FDFT1: variants seen among roughly 807,000 people sequenced by gnomAD.
FDFT1 encodes farnesyl-diphosphate farnesyltransferase 1.
Under a neutral mutation model 46.8 loss-of-function variants are expected in FDFT1, and 68 were observed. The ratio of observed to expected loss-of-function variants is 1.45; its 90% CI spans 1.19 to 1.78. FDFT1 has a LOEUF of 1.78. Among genes scored for constraint, FDFT1 ranks in the 40% most tolerant of loss-of-function variants. The pLI is 0.00. For synonymous variants in FDFT1, 351 were observed against 185.1 expected (o/e 1.90, Z -7.28); for missense variants, 928 against 524.4 (o/e 1.77, Z -7.52).
chr8:11,822,982 G>C (rs1809468722), intron 4 of FDFT1, among the ~76,000 whole-genome samples: 1 of 152,084 alleles, frequency 6.6e-6, no homozygotes, highest in Admixed American at 6.5e-5. Flanking sequence ...TTTGAGACAG[G>C]GTCTTGCTGT....
chr8:11,812,696 T>A (rs1807900384), intron 3 of FDFT1, among the ~76,000 whole-genome samples: 1 of 152,238 alleles, frequency 6.6e-6, no homozygotes, highest in Non-Finnish European at 1.5e-5. Context: ...GGCCTCCATT[T>A]GTCCTCTTAT....
intron 3 of FDFT1, among the ~76,000 whole-genome samples, chr8:11,816,666 G>A (rs986073510): frequency 6.6e-6 from 1 of 152,132 alleles, no homozygotes; most frequent in Non-Finnish European, 1.5e-5. Flanking sequence ...TTGGCTCCTT[G>A]TTTGTCTGTT....
intron 5 of FDFT1, 61 bp from the exon 6 acceptor site, chr8:11,830,183 T>G: frequency 2.3e-6 from 3 of 1,315,726 alleles, no homozygotes; most frequent in Non-Finnish European, 3.3e-6. Context: ...CCTTTAATAT[T>G]GTTTGTAAAT....
chr8:11,812,435 G>A (rs1354843812), intron 3 of FDFT1, among the ~76,000 whole-genome samples: 1 of 152,172 alleles, frequency 6.6e-6, no homozygotes, highest in Non-Finnish European at 1.5e-5. Context: ...AATGTGAGGT[G>A]CCTCCCAGTG....
Position 11,838,621 on chromosome 8 carries a change from T to G in FDFT1, c.*12T>G. ...CTGGAGAACACTGATCCCAAATTTG[T>G]CCATAGCTGAAGTCCACCATAAAGT... On this transcript the variant is annotated 3_prime_UTR_variant, in exon 8 of 8. Transcript: ENST00000220584. 4.4e-6 allele frequency: 7 copies of G among 1,582,504 alleles called. No homozygotes were observed. The highest frequency in any genetic ancestry group is 6.1e-6 in the Non-Finnish European group (7 of 1,151,182).
chr8:11,827,134 T>C (rs897375068), intron 5 of FDFT1, among the ~76,000 whole-genome samples: 4 of 152,210 alleles, frequency 2.6e-5, no homozygotes, highest in African/African-American at 9.6e-5. Context: ...ATTTACCTTT[T>C]GCTTTCCATA....
At chr8:11,820,408 G>A (rs538821368) in intron 3 of FDFT1, among the ~76,000 whole-genome samples, 2 of 152,356 alleles carry the variant, frequency 1.3e-5, no homozygotes, top group East Asian at 3.9e-4. Context: ...GTTTAAATCT[G>A]CAGAAGCCGT....
At chr8:11,813,522 A>G (rs1479021094) in intron 3 of FDFT1, among the ~76,000 whole-genome samples, 2 of 152,210 alleles carry the variant, frequency 1.3e-5, no homozygotes, top group African/African-American at 2.4e-5. Flanking sequence ...TACTTTGCCT[A>G]GGATTACCCG....
chr8:11,823,655 C>T (rs61690662), intron 4 of FDFT1, among the ~76,000 whole-genome samples: 1,747 of 152,228 alleles, frequency 0.011, 28 homozygotes, highest in African/African-American at 0.04. Context: ...GCAGCCTTGA[C>T]CTTCTGGGCT....
At chr8:11,797,694 C>T (rs1201533589), upstream of FDFT1, among the ~76,000 whole-genome samples, 1 of 127,752 alleles carries the variant, frequency 7.8e-6, no homozygotes, top group Admixed American at 7.8e-5. Flanking sequence ...GGGAGGGGAA[C>T]AGATAAAGGA....
At chr8:11,835,733 G>C (rs1216652953) in intron 7 of FDFT1, among the ~76,000 whole-genome samples, 4 of 152,140 alleles carry the variant, frequency 2.6e-5, no homozygotes, top group Non-Finnish European at 5.9e-5. Context: ...AGGAGCCACA[G>C]AATTAACCCA....
chr8:11,835,941 C>G (rs1486982102), intron 7 of FDFT1, among the ~76,000 whole-genome samples: 1 of 122,490 alleles, frequency 8.2e-6, no homozygotes, highest in Non-Finnish European at 1.6e-5. Context: ...CGAAACCAGC[C>G]TGACTTATGT....
At position 11,824,379 on chromosome 8, in the gene FDFT1, A is replaced by C. The variant is rs576115839; in HGVS notation, c.511-1645A>C. ...ACTGAAATCTCTGTTGAGAGAGGGG[A>C]AGTTACGTTGTCTCTAAAAGAAAAA... On this transcript the variant is annotated intron_variant, in intron 4 of 7. Transcript: ENST00000220584. Among the ~76,000 whole-genome samples, 23 of 152,294 alleles carry C rather than the reference A, an allele frequency of 1.5e-4. No individual in the cohort carries two copies. The East Asian group carries it at 3.7e-3, about 24-fold the overall frequency.
intron 7 of FDFT1, among the ~76,000 whole-genome samples, chr8:11,836,678 G>A (rs1394309264): frequency 6.6e-6 from 1 of 152,244 alleles, no homozygotes; most frequent in African/African-American, 2.4e-5. Flanking sequence ...ACATGGGCAG[G>A]CAGAAGGATG....
chr8:11,838,327 A>C (rs1046115192), intron 7 of FDFT1, 61 bp from the exon 8 acceptor site: 5 of 1,307,830 alleles, frequency 3.8e-6, no homozygotes, highest in Admixed American at 3.4e-5. Context: ...GGGTTGTTGT[A>C]AGTAGCCATG....
chr8:11,809,590 C>T (rs562261173), intron 2 of FDFT1, 77 bp from the exon 3 acceptor site: 10 of 1,426,424 alleles, frequency 7.0e-6, no homozygotes, highest in East Asian at 4.8e-5. Flanking sequence ...TAGAAAGTGG[C>T]CAGGCACAAG....
At chr8:11,802,455 G>C (rs1222960404), upstream of FDFT1, 1 of 465,060 alleles carries the variant, frequency 2.2e-6, no homozygotes, top group Admixed American at 2.3e-5. Flanking sequence ...TCCCAGCCGG[G>C]GTAAGCGGAA....
At chr8:11,805,512 G>A (rs527250744) in intron 1 of FDFT1, among the ~76,000 whole-genome samples, 4 of 152,278 alleles carry the variant, frequency 2.6e-5, no homozygotes, top group East Asian at 1.9e-4. Context: ...TATTAAGTCC[G>A]ATTTCTGACG....
chr8:11,802,059 C>G (rs556318816), upstream of FDFT1: 5 of 455,778 alleles, frequency 1.1e-5, no homozygotes, highest in Non-Finnish European at 2.2e-5. Context: ...GTTACAGGCT[C>G]TCTAAGGCTT....
Sources: gnomAD v4.1 joint callset for allele counts (sites outside exome capture counted in the v4.1 genomes callset) on GRCh38, gnomAD v4.1.1 for gene constraint, MANE v1.5 for transcripts, NCBI Gene and HGNC (gene_info 2026-07-23, HGNC 2026-07-21) for gene names.